Variants in NQO2 observed in about 807,000 individuals in gnomAD.
NQO2 encodes ribosyldihydronicotinamide dehydrogenase [quinone].
In NQO2, 18 loss-of-function variants were observed where a neutral mutation model predicts 22.0. That is an observed-to-expected ratio of 0.82 (90% CI 0.56 to 1.21). The LOEUF is 1.21. Among genes scored for constraint, NQO2 ranks in the 50% most tolerant of loss-of-function variants. The probability of loss-of-function intolerance (pLI) is 0.00; values close to 1 mark genes in which losing one functional copy is unlikely to be tolerated. For missense variants in NQO2, 267 were observed against 286.9 expected (o/e 0.93, Z 0.50); for synonymous variants, 106 against 110.8 (o/e 0.96, Z 0.28).
At position 3,001,248 on chromosome 6, in the gene NQO2, C is replaced by T. The variant is rs539671456; in HGVS notation, c.-86+1163C>T. Among the ~76,000 whole-genome samples the T allele has an allele frequency of 2.6e-5, 4 of 152,164 alleles. No homozygotes were observed. In the South Asian group the frequency reaches 8.3e-4, roughly 32 times the overall value. Reference sequence around the variant, plus strand: ...GGGATTACAGGTGCGTGCCACTACACCCAGCTAATTTTTGGTATTTTTAGT... The same window carrying T: ...GGGATTACAGGTGCGTGCCACTACATCCAGCTAATTTTTGGTATTTTTAGT... On this transcript the variant is annotated intron_variant, in intron 1 of 6. Transcript: ENST00000380455.
At chr6:3,015,305 G>A in intron 4 of NQO2, 2 of 985,362 alleles carry the variant, frequency 2.0e-6, no homozygotes, top group Non-Finnish European at 1.2e-6. Flanking sequence ...TCATCACTGG[G>A]GGATGCAGAG....
At chr6:3,010,292 T>A in intron 3 of NQO2, 103 bp downstream of exon 3, 1 of 1,022,906 alleles carries the variant, frequency 9.8e-7, no homozygotes, top group African/African-American at 1.6e-5. Context: ...AGAAGCAAGC[T>A]AGCTTCACTT....
chr6:3,001,701 G>A (rs987559399), intron 1 of NQO2, among the ~76,000 whole-genome samples: 2 of 152,216 alleles, frequency 1.3e-5, no homozygotes, highest in African/African-American at 4.8e-5. Flanking sequence ...AGGAAAAAAA[G>A]TGAAAACATT....
intron 1 of NQO2, among the ~76,000 whole-genome samples, chr6:3,005,210 G>T (rs980312656): frequency 2.0e-5 from 3 of 152,182 alleles, no homozygotes; most frequent in African/African-American, 7.2e-5. Flanking sequence ...TTGAACATGG[G>T]TGGGCAAGTG....
chr6:3,014,858 G>A (rs200173364), intron 4 of NQO2, among the ~76,000 whole-genome samples: 2 of 152,180 alleles, frequency 1.3e-5, no homozygotes, highest in African/African-American at 4.8e-5. Flanking sequence ...GGCACAGGGA[G>A]GTCAAGTAAC....
chr6:3,015,073 G>A, intron 4 of NQO2: 1 of 1,289,314 alleles, frequency 7.8e-7, no homozygotes, highest in Non-Finnish European at 1.0e-6. Context: ...CTGGTCTAAG[G>A]AATACAAACA....
intron 1 of NQO2, among the ~76,000 whole-genome samples, chr6:3,005,085 G>A (rs1010360829): frequency 1.3e-5 from 2 of 152,122 alleles, no homozygotes; most frequent in African/African-American, 4.8e-5. Context: ...GTGAGCCACG[G>A]TGCCTGACCT....
chr6:3,002,872 GC>G (rs1166036089), intron 1 of NQO2, among the ~76,000 whole-genome samples: 17 of 151,930 alleles, frequency 1.1e-4, no homozygotes, highest in African/African-American at 4.1e-4. Flanking sequence ...TCTAATCTCA[GC>G]CCCCTGAGTA....
rs66489312 is a variant in NQO2, at chr6:3,001,090, C to CT, written c.-86+1021dup. 1.2e-3 allele frequency among the ~76,000 whole-genome samples: 134 copies of CT among 114,200 alleles called. 2 individuals carry two copies. The highest frequency in any genetic ancestry group is 9.5e-3 in the East Asian group (39 of 4,086). 74.9% of individuals were successfully genotyped at this position (114,200 alleles called of 152,430 possible). ...AACTCATTCTTCTTCCTTTCTTTTT[C>CT]TTTTTTTTTTTTTTTTGAGATGGAG... On this transcript the variant is annotated intron_variant, in intron 1 of 6. Transcript: ENST00000380455.
At chr6:3,015,359 T>C (rs1333868421) in intron 4 of NQO2, 171 bp from the exon 5 acceptor site, 1 of 985,392 alleles carries the variant, frequency 1.0e-6, no homozygotes, top group African/African-American at 1.7e-5. Flanking sequence ...TCCGTTCCCG[T>C]CTGACACCCA....
At chr6:3,005,050 C>T (rs1756896883) in intron 1 of NQO2, among the ~76,000 whole-genome samples, 1 of 152,166 alleles carries the variant, frequency 6.6e-6, no homozygotes, top group Non-Finnish European at 1.5e-5. Context: ...CTGCCTCAGC[C>T]TCCCAAAGTG....
rs28383619 is a variant in NQO2 at position 3,009,746 on chromosome 6, A to G, written c.8-279A>G. 7.5e-3 allele frequency: 1,294 copies of G among 171,624 alleles called. 27 individuals are homozygous for G. Among genetic ancestry groups the G allele is most frequent in the African/African-American group, 0.029 (1,232 of 41,924 alleles). The allele number at this position is 171,624 out of a possible 1,614,324, so 10.6% of individuals were successfully genotyped here. A position where few individuals can be genotyped will look rare whatever the true frequency, so the allele number is the denominator to read the frequency against. ...CTGACTTCCCACGAAACACACCTGT[A>G]GTCCCAGCTAGTCAGGAGACTGAGG... On this transcript the variant is annotated intron_variant, in intron 2 of 6. Transcript: ENST00000380455.
intron 3 of NQO2, among the ~76,000 whole-genome samples, chr6:3,012,020 T>C (rs1757151208): frequency 6.6e-6 from 1 of 152,222 alleles, no homozygotes; most frequent in African/African-American, 2.4e-5. Flanking sequence ...CACAGAACAC[T>C]CTAATACTGT....
At chr6:3,003,541 C>A (rs4149354) in intron 1 of NQO2, 458,627 of 830,560 alleles carry the variant, frequency 0.55, 101,330 homozygotes, top group Non-Finnish European at 0.57. Flanking sequence ...ATCCTCAGGG[C>A]GGCCAACTCT....
chr6:3,014,128 T>G (rs1372194785), intron 4 of NQO2, among the ~76,000 whole-genome samples: 1 of 152,180 alleles, frequency 6.6e-6, no homozygotes, highest in Non-Finnish European at 1.5e-5. Context: ...ATGTGACCAC[T>G]TTCCAGACAA....
intron 5 of NQO2, 62 bp from the exon 6 acceptor site, chr6:3,016,822 C>G: frequency 2.5e-6 from 4 of 1,590,810 alleles, no homozygotes; most frequent in Non-Finnish European, 3.4e-6. Context: ...GTGCTGGAGG[C>G]TCAGCAACAT....
chr6:3,015,782 A>G (rs2113460841), intron 5 of NQO2, 139 bp downstream of exon 5: 1 of 797,298 alleles, frequency 1.3e-6, no homozygotes, highest in Non-Finnish European at 2.0e-6. Flanking sequence ...ACAAAGCACC[A>G]TGTGCTGCAC....
At position 3,019,461 on chromosome 6, in the gene NQO2, C is replaced by T; in HGVS notation, c.520-18C>T. The T allele has an allele frequency of 6.2e-7, 1 of 1,600,770 alleles. No individual in the cohort carries two copies. The highest frequency in any genetic ancestry group is 8.5e-7 in the Non-Finnish European group (1 of 1,172,418). On this transcript the variant is annotated intron_variant, in intron 6 of 6. Coordinates refer to ENST00000380455, the MANE Select transcript of NQO2 (RefSeq NM_000904.6). ...GGTGTAGTTTCTAATGAGTTCTTTTCTTCCCCTGTGGCTTTAGCATGGCAC... is the reference window on the plus strand; with the variant it reads ...GGTGTAGTTTCTAATGAGTTCTTTTTTTCCCCTGTGGCTTTAGCATGGCAC...
chr6:3,016,493 C>T (rs1219728934), intron 5 of NQO2, among the ~76,000 whole-genome samples: 2 of 150,072 alleles, frequency 1.3e-5, no homozygotes, highest in Non-Finnish European at 1.5e-5. Context: ...AATAAATGCA[C>T]GTAAGGGAAA....
Sources: allele counts gnomAD v4.1 joint callset (sites outside exome capture counted in the v4.1 genomes callset), GRCh38; gene constraint gnomAD v4.1.1; transcripts MANE v1.5; gene names NCBI Gene and HGNC (gene_info 2026-07-23, HGNC 2026-07-21).